The following TMEM74 variants were observed in gnomAD, a reference collection of about 807,000 sequenced individuals.
TMEM74 encodes transmembrane protein 74.
Under a neutral mutation model 18.1 loss-of-function variants are expected in TMEM74, and 13 were observed. That is an observed-to-expected ratio of 0.72 (90% confidence interval 0.47 to 1.14). The LOEUF (loss-of-function observed/expected upper bound fraction) is 1.14, where lower values mean the gene tolerates loss of function less well. Ranked by LOEUF, TMEM74 falls within the 50% of genes most tolerant of loss-of-function variation. TMEM74 has a pLI of 0.00. For synonymous variants in TMEM74, 159 were observed against 146.6 expected (o/e 1.08, Z -0.61); for missense variants, 372 against 375.9 (o/e 0.99, Z 0.09).
In TMEM74 at chr8:108,652,732, T is replaced by C. The variant is rs59098555; in HGVS notation, n.264+2561A>G. On this transcript the variant is annotated intron_variant and non_coding_transcript_variant, in intron 2 of 3. Coordinates refer to the TMEM74 transcript ENST00000518838. Reference sequence around the variant, plus strand: ...TTTCTGAGATCTCTAAGCAAAGAGATTCTTTTGGAAGACAAACACTCAGGA... The same window carrying C: ...TTTCTGAGATCTCTAAGCAAAGAGACTCTTTTGGAAGACAAACACTCAGGA... 837 of 533,144 alleles carry C rather than the reference T, an allele frequency of 1.6e-3. 5 individuals carry two copies. Among genetic ancestry groups the C allele is most frequent in the African/African-American group, 0.015 (755 of 51,300 alleles). The allele number at this position is 533,144 out of a possible 1,614,324, so 33.0% of individuals were successfully genotyped here.
intron 1 of TMEM74, among the ~76,000 whole-genome samples, chr8:108,748,181 C>T (rs1248651093): frequency 6.6e-6 from 1 of 152,194 alleles, no homozygotes; most frequent in Non-Finnish European, 1.5e-5. Flanking sequence ...CTCCCACCAT[C>T]TGTGTAAAAG....
At chr8:108,611,609 G>T (rs1406543622) in intron 2 of TMEM74, among the ~76,000 whole-genome samples, 1 of 152,152 alleles carries the variant, frequency 6.6e-6, no homozygotes, top group Non-Finnish European at 1.5e-5. Context: ...ACAGAATTTG[G>T]TTAAGTGAGG....
intron 2 of TMEM74, among the ~76,000 whole-genome samples, chr8:108,643,984 G>C (rs1812691342): frequency 6.6e-6 from 1 of 151,968 alleles, no homozygotes. Flanking sequence ...ATTTTTCACA[G>C]AATAAGAAAA....
chr8:108,614,741 G>A (rs1001400821), intron 2 of TMEM74, among the ~76,000 whole-genome samples: 1 of 152,130 alleles, frequency 6.6e-6, no homozygotes, highest in Non-Finnish European at 1.5e-5. Flanking sequence ...TGAGGGGCCA[G>A]CAGGTGGGCA....
chr8:108,640,023 C>G (rs1398373741), intron 2 of TMEM74, among the ~76,000 whole-genome samples: 6 of 151,752 alleles, frequency 4.0e-5, no homozygotes, highest in Non-Finnish European at 7.4e-5. Context: ...GTCAGTTAGC[C>G]TAGATACTTC....
chr8:108,742,223 C>T (rs1393048220), intron 1 of TMEM74, among the ~76,000 whole-genome samples: 1 of 152,054 alleles, frequency 6.6e-6, no homozygotes. Context: ...ATAAGATAAT[C>T]TGTACAACGA....
Position 108,779,603 on chromosome 8 carries a change from T to C in TMEM74, c.*4578A>G, listed in dbSNP as rs1036240560. Among the ~76,000 whole-genome samples the C allele has an allele frequency of 8.5e-5, 13 of 152,238 alleles. No homozygotes were observed. Among genetic ancestry groups the C allele is most frequent in the African/African-American group, 3.1e-4 (13 of 41,474 alleles). Reference sequence around the variant, plus strand: ...TTATAATAATTATGGCATCTCATTCTGAGGCTGATTCCAAATTCTTCATTC... The same window carrying C: ...TTATAATAATTATGGCATCTCATTCCGAGGCTGATTCCAAATTCTTCATTC... On this transcript the variant is annotated 3_prime_UTR_variant, in exon 2 of 2. Coordinates refer to ENST00000297459, the MANE Select transcript of TMEM74 (RefSeq NM_153015.3).
Position 108,712,215 on chromosome 8 carries a change from G to A in TMEM74, n.120-56778C>T, listed in dbSNP as rs1016854827. Among the ~76,000 whole-genome samples the A allele has an allele frequency of 2.6e-5, 4 of 152,090 alleles. No individual in the cohort carries two copies. The South Asian group carries it at 8.3e-4, about 32-fold the overall frequency. ...AATAAGACACTGAAAAATCAGGTATGAGCTTAACCAGAAAATATTATCAAT... is the reference window on the plus strand; with the variant it reads ...AATAAGACACTGAAAAATCAGGTATAAGCTTAACCAGAAAATATTATCAAT... On this transcript the variant is annotated intron_variant and non_coding_transcript_variant, in intron 1 of 3. Transcript: ENST00000518838.
At chr8:108,770,551 T>C (rs1814160050) in intron 1 of TMEM74, among the ~76,000 whole-genome samples, 1 of 152,146 alleles carries the variant, frequency 6.6e-6, no homozygotes, top group African/African-American at 2.4e-5. Context: ...TTATTCATGG[T>C]AGCTATTTAT....
At chr8:108,773,581 G>C (rs77744903) in intron 1 of TMEM74, among the ~76,000 whole-genome samples, 8,010 of 152,172 alleles carry the variant, frequency 0.053, 296 homozygotes, top group Non-Finnish European at 0.073. Context: ...ATAGGATGAG[G>C]TGGAAGTGAC....
intron 1 of TMEM74, among the ~76,000 whole-genome samples, chr8:108,666,181 G>C (rs1233383437): frequency 6.6e-6 from 1 of 152,086 alleles, no homozygotes; most frequent in African/African-American, 2.4e-5. Flanking sequence ...AGAGAGCCTG[G>C]TGATATAGTC....
chr8:108,728,948 T>G (rs1813667016), intron 1 of TMEM74, among the ~76,000 whole-genome samples: 1 of 152,222 alleles, frequency 6.6e-6, no homozygotes, highest in Non-Finnish European at 1.5e-5. Flanking sequence ...GAAGTCAGAT[T>G]ATTTAGAAGT....
At chr8:108,614,609 T>G (rs1465276011) in intron 2 of TMEM74, among the ~76,000 whole-genome samples, 1 of 152,152 alleles carries the variant, frequency 6.6e-6, no homozygotes, top group Non-Finnish European at 1.5e-5. Context: ...TCTGCAATGT[T>G]TTAGTAGAAT....
rs548861260 is a variant in TMEM74 at position 108,732,139 on chromosome 8, G to A, written n.119+55337C>T. Among the ~76,000 whole-genome samples, 10 of 152,122 alleles carry A rather than the reference G, an allele frequency of 6.6e-5. No homozygotes were observed. The East Asian group carries it at 1.9e-3, about 29-fold the overall frequency. ...GGCAGTGAACAGTTGGAAATTAAAA[G>A]TTTAAAAATACCATTTACAGTAGTA... is the stretch of plus-strand genomic sequence containing the variant. On this transcript the variant is annotated intron_variant and non_coding_transcript_variant, in intron 1 of 3. Transcript: ENST00000518838.
rs1814302942 is a variant in TMEM74 at position 108,781,234 on chromosome 8, G to C, written c.*2947C>G. Reference sequence around the variant, plus strand: ...TAAAAACTTTCACAGGTAACAACCAGCACCATATTGAAGAGACAGACGGAA... The same window carrying C: ...TAAAAACTTTCACAGGTAACAACCACCACCATATTGAAGAGACAGACGGAA... On this transcript the variant is annotated 3_prime_UTR_variant, in exon 2 of 2. Transcript: ENST00000297459. Among the ~76,000 whole-genome samples the C allele has an allele frequency of 6.6e-6, 1 of 152,168 alleles. No homozygotes were observed. Among genetic ancestry groups the C allele is most frequent in the South Asian group, 2.1e-4 (1 of 4,826 alleles).
chr8:108,691,640 G>C (rs1813231956), intron 1 of TMEM74, among the ~76,000 whole-genome samples: 1 of 152,104 alleles, frequency 6.6e-6, no homozygotes, highest in Non-Finnish European at 1.5e-5. Flanking sequence ...TAGTTTCTTA[G>C]GAAGCATAAT....
intron 1 of TMEM74, among the ~76,000 whole-genome samples, chr8:108,685,482 A>G (rs1813158935): frequency 6.6e-6 from 1 of 152,138 alleles, no homozygotes; most frequent in South Asian, 2.1e-4. Flanking sequence ...ACCATTTTTA[A>G]TGAAGTCAAG....
At chr8:108,659,348 G>A (rs1220806835) in intron 1 of TMEM74, among the ~76,000 whole-genome samples, 1 of 151,850 alleles carries the variant, frequency 6.6e-6, no homozygotes, top group East Asian at 1.9e-4. Context: ...CCTGTCCAAT[G>A]TCTCCTCCTA....
intron 2 of TMEM74, among the ~76,000 whole-genome samples, chr8:108,616,797 A>G (rs1367633337): frequency 6.6e-6 from 1 of 152,088 alleles, no homozygotes; most frequent in Admixed American, 6.6e-5. Context: ...TTGTTGCTCT[A>G]TGATGTAGCA....
Sources: allele counts gnomAD v4.1 joint callset (sites outside exome capture counted in the v4.1 genomes callset), GRCh38; gene constraint gnomAD v4.1.1; transcripts MANE v1.5; gene names NCBI Gene and HGNC (gene_info 2026-07-23, HGNC 2026-07-21).